The following SCIN variants were observed in gnomAD, a reference collection of about 807,000 sequenced individuals.
The protein encoded by SCIN is scinderin.
In SCIN, 91 loss-of-function variants were observed where a neutral mutation model predicts 91.8. The ratio of observed to expected loss-of-function variants is 0.99; its 90% CI spans 0.84 to 1.18. The LOEUF is 1.18. Among genes scored for constraint, SCIN ranks in the 50% most tolerant of loss-of-function variants. SCIN has a pLI of 0.00. For missense variants in SCIN, 1,087 were observed against 863.9 expected, an observed-to-expected ratio of 1.26 and a Z score of -3.24; for synonymous variants, 367 against 312.6, an observed-to-expected ratio of 1.17 and a Z score of -1.84.
chr7:12,603,101 G>A (rs111334893), intron 3 of SCIN, among the ~76,000 whole-genome samples: 174 of 152,144 alleles, frequency 1.1e-3, no homozygotes, highest in African/African-American at 3.9e-3. Context: ...GAATATTTCT[G>A]TAGTATAGAT....
intron 10 of SCIN, among the ~76,000 whole-genome samples, chr7:12,639,956 A>G (rs1783824508): frequency 6.6e-6 from 1 of 152,180 alleles, no homozygotes; most frequent in East Asian, 1.9e-4. Flanking sequence ...ACCTCTGTAA[A>G]TATCTGTAAG....
At chr7:12,631,184 G>A (rs922771841) in intron 9 of SCIN, among the ~76,000 whole-genome samples, 5 of 152,180 alleles carry the variant, frequency 3.3e-5, no homozygotes, top group Non-Finnish European at 7.3e-5. Context: ...GTTTTAAATA[G>A]TAGCTATTTC....
chr7:12,582,130 G>A (rs1782500246), intron 3 of SCIN, among the ~76,000 whole-genome samples: 1 of 152,312 alleles, frequency 6.6e-6, no homozygotes, highest in East Asian at 1.9e-4. Context: ...TTAGCATGAG[G>A]CTTGTCTATG....
chr7:12,629,973 A>G (rs777522663), intron 9 of SCIN, among the ~76,000 whole-genome samples: 3 of 152,104 alleles, frequency 2.0e-5, no homozygotes, highest in Non-Finnish European at 2.9e-5. Context: ...ATAATTCTTA[A>G]AAAAGATCTT....
intron 3 of SCIN, among the ~76,000 whole-genome samples, chr7:12,601,611 C>T (rs1782959649): frequency 6.6e-6 from 1 of 152,028 alleles, no homozygotes; most frequent in South Asian, 2.1e-4. Flanking sequence ...ATCTCTGTAT[C>T]CCCAGCATAA....
In SCIN at chr7:12,634,999, C is replaced by T. The variant is rs192979458; in HGVS notation, c.1320-1046C>T. On this transcript the variant is annotated intron_variant, in intron 9 of 15. Coordinates refer to ENST00000297029, the MANE Select transcript of SCIN (RefSeq NM_001112706.3). ...GTCAGGAGTTTGAGACCAGCCTGAC[C>T]AACGTGGTGAAACCCCGTCTCTACT... 4.6e-3 allele frequency among the ~76,000 whole-genome samples: 705 copies of T among 151,700 alleles called. 1 individual carries two copies. Among genetic ancestry groups the T allele is most frequent in the Middle Eastern group, 6.8e-3 (2 of 294 alleles).
chr7:12,584,190 G>A (rs376741721), intron 3 of SCIN, among the ~76,000 whole-genome samples: 11 of 152,260 alleles, frequency 7.2e-5, no homozygotes, highest in African/African-American at 1.7e-4. Flanking sequence ...AGAAATACAC[G>A]TAACTAAACT....
At chr7:12,627,104 A>ACT (rs1377766248) in intron 8 of SCIN, among the ~76,000 whole-genome samples, 1 of 151,900 alleles carries the variant, frequency 6.6e-6, no homozygotes, top group Admixed American at 6.6e-5. Context: ...ACACACACAC[A>ACT]CACACACACA....
At position 12,657,270 on chromosome 7, in the gene SCIN, G is replaced by A. The variant is rs923397496; in HGVS notation, c.*4555G>A. ...TTCTCACTCTGTTGCCCAGGCTGGAGTACAGTAGCGATCTCTGCTCACTGC... is the reference window on the plus strand; with the variant it reads ...TTCTCACTCTGTTGCCCAGGCTGGAATACAGTAGCGATCTCTGCTCACTGC... On this transcript the variant is annotated 3_prime_UTR_variant, in exon 16 of 16. Coordinates refer to ENST00000297029, the MANE Select transcript of SCIN (RefSeq NM_001112706.3). 7.4e-6 allele frequency: 1 copy of A among 135,868 alleles called. No individual in the cohort carries two copies. Among genetic ancestry groups the A allele is most frequent in the Non-Finnish European group, 1.5e-5 (1 of 65,184 alleles). 8.4% of individuals were successfully genotyped at this position (135,868 alleles called of 1,614,324 possible). A position where few individuals can be genotyped will look rare whatever the true frequency, so the allele number is the denominator to read the frequency against.
chr7:12,640,419 A>G lies in SCIN; in HGVS notation c.1483A>G (p.Lys495Glu), dbSNP rs1454780906. ...CAAAGACAAACCGCTCATTATTTAC[A>G]AGAATGGAACATCAAAGAAAGGAGG... Reference protein sequence around the residue: ...LFKDKPLIIYKNGTSKKGGQA... With the variant: ...LFKDKPLIIYENGTSKKGGQA... Residue 495 changes from lysine to glutamate, a missense_variant, in exon 11 of 16, where the codon AAG becomes GAG. Transcript: ENST00000297029. 6.2e-7 allele frequency: 1 copy of G among 1,613,364 alleles called. No individual in the cohort carries two copies. The highest frequency in any genetic ancestry group is 1.3e-5 in the African/African-American group (1 of 74,824).
intron 3 of SCIN, among the ~76,000 whole-genome samples, chr7:12,603,615 A>T (rs553382789): frequency 6.6e-6 from 1 of 152,206 alleles, no homozygotes; most frequent in Non-Finnish European, 1.5e-5. Flanking sequence ...ATTTTTCATT[A>T]TTATTTTACG....
chr7:12,607,822 C>T (rs1014084716), intron 4 of SCIN, among the ~76,000 whole-genome samples: 5 of 152,142 alleles, frequency 3.3e-5, no homozygotes, highest in Non-Finnish European at 7.4e-5. Context: ...TAATTGAGCA[C>T]CTATAACAAA....
At position 12,654,473 on chromosome 7, in the gene SCIN, C is replaced by G. The variant is rs898545295; in HGVS notation, c.*1758C>G. 1.3e-5 allele frequency: 2 copies of G among 151,932 alleles called. No homozygotes were observed. The highest frequency in any genetic ancestry group is 4.8e-5 in the African/African-American group (2 of 41,350). The allele number at this position is 151,932 out of a possible 1,614,324, so 9.4% of individuals were successfully genotyped here. ...ATAAATATAGTGCTAGTCCTGCATG[C>G]AACAAAAATGATGTAAGTAGACATT... On this transcript the variant is annotated 3_prime_UTR_variant, in exon 16 of 16. Transcript: ENST00000297029.
Position 12,657,572 on chromosome 7 carries a change from A to ATATATATATATT in SCIN, c.*4858_*4859insATATATATATTT, listed in dbSNP as rs1554298408. 1 of 22,080 alleles carries ATATATATATATT rather than the reference A, an allele frequency of 4.5e-5. No homozygotes were observed. Among genetic ancestry groups the ATATATATATATT allele is most frequent in the African/African-American group, 8.1e-5 (1 of 12,376 alleles). 1.4% of individuals were successfully genotyped at this position (22,080 alleles called of 1,614,324 possible). On this transcript the variant is annotated 3_prime_UTR_variant, in exon 16 of 16. Coordinates refer to ENST00000297029, the MANE Select transcript of SCIN (RefSeq NM_001112706.3). The stretch of plus-strand genomic sequence containing the variant: ...TATATATATATATATATATATATAT[A>ATATATATATATT]TTTTTTTTTTTTTTTTTTTTTTTTT...
intron 5 of SCIN, among the ~76,000 whole-genome samples, chr7:12,624,652 A>G (rs182216625): frequency 2.6e-5 from 4 of 152,312 alleles, no homozygotes; most frequent in African/African-American, 9.6e-5. Context: ...AGTTAATTAC[A>G]TGATGCTTAG....
chr7:12,580,390 T>G (rs1279401625), intron 2 of SCIN, among the ~76,000 whole-genome samples: 2 of 152,254 alleles, frequency 1.3e-5, no homozygotes, highest in Non-Finnish European at 2.9e-5. Flanking sequence ...TTTCATTTTA[T>G]TTTATTTTTT....
intron 7 of SCIN, chr7:12,626,241 C>T (rs375719309): frequency 3.2e-5 from 10 of 313,116 alleles, no homozygotes; most frequent in East Asian, 1.4e-4. Context: ...CTTTCCTTTC[C>T]GAATCTCTCA....
chr7:12,600,532 G>T (rs763402659), intron 3 of SCIN, among the ~76,000 whole-genome samples: 13 of 152,138 alleles, frequency 8.5e-5, no homozygotes, highest in Admixed American at 5.9e-4. Flanking sequence ...AAAGATACGT[G>T]TAGGAAAAAA....
In SCIN at chr7:12,651,663, T is replaced by C. The variant is rs1022010374; in HGVS notation, c.1960-178T>C. ...GGATGTAGATTTAGGTGTCTCCTGA[T>C]GAGTGTGAACACTGGGAAAGTGATG... is the stretch of plus-strand genomic sequence containing the variant. On this transcript the variant is annotated intron_variant, in intron 14 of 15. Coordinates refer to ENST00000297029, the MANE Select transcript of SCIN (RefSeq NM_001112706.3). The surrounding 1 kb of genome is among the most constrained non-coding windows in gnomAD (Gnocchi z 5.9). 1.3e-5 allele frequency among the ~76,000 whole-genome samples: 2 copies of C among 152,290 alleles called. No individual in the cohort carries two copies. Among genetic ancestry groups the C allele is most frequent in the East Asian group, 3.9e-4 (2 of 5,184 alleles).
Sources: allele counts gnomAD v4.1 joint callset (sites outside exome capture counted in the v4.1 genomes callset), GRCh38; gene constraint gnomAD v4.1.1; non-coding constraint Gnocchi (gnomAD v3.1); transcripts MANE v1.5; gene names NCBI Gene and HGNC (gene_info 2026-07-23, HGNC 2026-07-21).